The following FRMD5 variants were observed in gnomAD, a reference collection of about 807,000 sequenced individuals.
FRMD5 encodes the protein FERM domain containing 5.
FRMD5 carries 20 observed loss-of-function variants against 69.0 expected under a neutral mutation model. The ratio of observed to expected loss-of-function variants is 0.29; its 90% confidence interval spans 0.20 to 0.42. FRMD5 has a LOEUF of 0.42. Ranked by LOEUF, FRMD5 falls within the 10% of genes least tolerant of loss-of-function variation. The pLI is 1.00. For missense variants in FRMD5, 595 were observed against 708.6 expected (o/e 0.84, Z 1.82); for synonymous variants, 271 against 260.1 (o/e 1.04, Z -0.40).
At position 43,919,891 on chromosome 15, in the gene FRMD5, A is replaced by G. The variant is rs1017839384; in HGVS notation, c.208-82T>C. 2.3e-6 allele frequency: 3 copies of G among 1,292,660 alleles called. No individual in the cohort carries two copies. The African/African-American group carries it at 4.4e-5, about 19-fold the overall frequency. 80.1% of individuals were successfully genotyped at this position (1,292,660 alleles called of 1,614,324 possible). On this transcript the variant is annotated intron_variant, in intron 2 of 13. Transcript: ENST00000417257. ...CTTGTTTTCTCCAACTTAAAAAACT[A>G]GACAGATTGTAGCCTAGGGTGAAAG...
intron 1 of FRMD5, among the ~76,000 whole-genome samples, chr15:43,926,266 A>G (rs1473647993): frequency 6.6e-6 from 1 of 152,234 alleles, no homozygotes; most frequent in Non-Finnish European, 1.5e-5. Context: ...GAGCCTGCAC[A>G]GCATCCATCG....
chr15:44,139,350 G>T (rs1483604748), intron 1 of FRMD5, among the ~76,000 whole-genome samples: 2 of 148,872 alleles, frequency 1.3e-5, no homozygotes, highest in African/African-American at 5.0e-5. Context: ...TCTACTAAAA[G>T]ACAGAGTCTA....
At chr15:44,187,054 A>G (rs1428124572) in intron 1 of FRMD5, among the ~76,000 whole-genome samples, 1 of 152,210 alleles carries the variant, frequency 6.6e-6, no homozygotes, top group Non-Finnish European at 1.5e-5. Context: ...TTAACTGTTA[A>G]TGCACAATTG....
chr15:44,029,968 A>AT (rs1337632288), intron 1 of FRMD5, among the ~76,000 whole-genome samples: 1 of 152,184 alleles, frequency 6.6e-6, no homozygotes, highest in African/African-American at 2.4e-5. Context: ...TGTTTTATTC[A>AT]TTTTTGTACT....
At chr15:44,147,945 T>G (rs1478488281) in intron 1 of FRMD5, among the ~76,000 whole-genome samples, 1 of 152,202 alleles carries the variant, frequency 6.6e-6, no homozygotes, top group Non-Finnish European at 1.5e-5. Context: ...CAAATATCAG[T>G]GATCTGTGCT....
chr15:44,130,316 C>A (rs913354698), intron 1 of FRMD5, among the ~76,000 whole-genome samples: 1 of 152,204 alleles, frequency 6.6e-6, no homozygotes, highest in African/African-American at 2.4e-5. Flanking sequence ...TTTTTCCCCA[C>A]GGTGGCAAAG....
chr15:43,975,021 C>G (rs993962608), intron 1 of FRMD5, among the ~76,000 whole-genome samples: 2 of 152,198 alleles, frequency 1.3e-5, no homozygotes, highest in Non-Finnish European at 2.9e-5. Context: ...AATTGTCTCT[C>G]TCTTCTAATG....
At chr15:43,880,726 T>C (rs1372893152) in intron 13 of FRMD5, among the ~76,000 whole-genome samples, 1 of 152,218 alleles carries the variant, frequency 6.6e-6, no homozygotes, top group Non-Finnish European at 1.5e-5. Flanking sequence ...GAGAAGCACC[T>C]GGAAGTCTGC....
chr15:44,013,709 C>G (rs963888862), intron 1 of FRMD5, among the ~76,000 whole-genome samples: 12 of 152,138 alleles, frequency 7.9e-5, no homozygotes, highest in African/African-American at 2.9e-4. Context: ...GGACTTCTTT[C>G]CCAGCTATGA....
chr15:44,095,379 A>G (rs191286857), intron 1 of FRMD5, among the ~76,000 whole-genome samples: 5 of 151,856 alleles, frequency 3.3e-5, no homozygotes, highest in African/African-American at 1.2e-4. Flanking sequence ...ATTTTTAAAA[A>G]TTTTTTGTAG....
At chr15:44,024,596 T>C (rs1891352010) in intron 1 of FRMD5, among the ~76,000 whole-genome samples, 1 of 152,012 alleles carries the variant, frequency 6.6e-6, no homozygotes, top group Admixed American at 6.5e-5. Context: ...TTAAGTAAAC[T>C]TCCTGTTCAT....
intron 1 of FRMD5, among the ~76,000 whole-genome samples, chr15:44,038,945 T>C (rs971302387): frequency 6.6e-6 from 1 of 152,174 alleles, no homozygotes; most frequent in Non-Finnish European, 1.5e-5. Flanking sequence ...GGCTTGAAAT[T>C]CTTGCTGCTA....
At chr15:44,125,415 G>C (rs2077012679) in intron 1 of FRMD5, among the ~76,000 whole-genome samples, 1 of 152,158 alleles carries the variant, frequency 6.6e-6, no homozygotes, top group African/African-American at 2.4e-5. Context: ...GAGCCATTCT[G>C]ATTATTACCA....
At chr15:43,985,590 T>A in intron 1 of FRMD5, among the ~76,000 whole-genome samples, 1 of 151,918 alleles carries the variant, frequency 6.6e-6, no homozygotes, top group East Asian at 1.9e-4. Flanking sequence ...CTTTACAGAG[T>A]CCCTTACACA....
chr15:43,909,931 G>C lies in FRMD5; in HGVS notation c.378C>G (p.Leu126=), dbSNP rs1004374983. The C allele has an allele frequency of 1.2e-6, 2 of 1,613,254 alleles. No individual in the cohort carries two copies. The highest frequency in any genetic ancestry group is 1.7e-6 in the Non-Finnish European group (2 of 1,179,396). ...AGGCAGCATCCGATGTTTTACAGAG[G>C]AGTCGGCCATGGTAGAGATCCCTTT... The part of the protein sequence containing the change: ...QIKRDLYHGR[L]LCKTSDAALL... Residue 126 remains leucine, a synonymous_variant, in exon 5 of 14, where the codon CTC becomes CTG. Transcript: ENST00000417257.
intron 1 of FRMD5, among the ~76,000 whole-genome samples, chr15:43,945,014 T>C (rs140672090): frequency 9.2e-5 from 14 of 151,848 alleles, no homozygotes; most frequent in Admixed American, 2.6e-4. Context: ...GGTCTCCTCC[T>C]GAGTTCACGT....
intron 1 of FRMD5, among the ~76,000 whole-genome samples, chr15:43,941,597 C>T (rs1302364904): frequency 6.6e-6 from 1 of 152,140 alleles, no homozygotes; most frequent in Non-Finnish European, 1.5e-5. Context: ...CTGGTATGCC[C>T]ACTTCTTGAA....
At chr15:44,194,748 C>A in intron 1 of FRMD5, 1 of 660,234 alleles carries the variant, frequency 1.5e-6, no homozygotes, top group Non-Finnish European at 2.7e-6. Context: ...CGCCCCGCGG[C>A]GGCGGTGACA....
intron 2 of FRMD5, among the ~76,000 whole-genome samples, chr15:43,922,121 C>T (rs778284425): frequency 1.2e-4 from 19 of 152,190 alleles, no homozygotes; most frequent in East Asian, 1.9e-4. Flanking sequence ...TAACCCCTCC[C>T]GCAAGGCACA....
Sources: allele counts gnomAD v4.1 joint callset (sites outside exome capture counted in the v4.1 genomes callset), GRCh38; gene constraint gnomAD v4.1.1; transcripts MANE v1.5; gene names NCBI Gene and HGNC (gene_info 2026-07-23, HGNC 2026-07-21).